Variants in POLD2 observed in about 807,000 individuals in gnomAD.
POLD2 encodes the protein DNA polymerase delta subunit 2.
POLD2 carries 31 observed loss-of-function variants against 48.8 expected under a neutral mutation model. The observed-to-expected ratio is 0.64, with a 90% CI of 0.48 to 0.86. The LOEUF is 0.86. Ranked by LOEUF, POLD2 falls within the 40% of genes least tolerant of loss-of-function variation. POLD2 has a pLI of 0.00. For missense variants in POLD2, 455 were observed against 610.1 expected (o/e 0.75, Z 2.68); for synonymous variants, 233 against 256.3 (o/e 0.91, Z 0.87).
Position 44,117,603 on chromosome 7 carries a change from T to C in POLD2, c.466+16A>G. On this transcript the variant is annotated intron_variant, in intron 4 of 10. Transcript: ENST00000610533. ...CTTCACCTGCATCACCCACATCCTC[T>C]CATTGGGCTCCCTACCCGTAACCAG... is the stretch of plus-strand genomic sequence containing the variant. The C allele has an allele frequency of 6.3e-7, 1 of 1,595,316 alleles. No homozygotes were observed. Among genetic ancestry groups the C allele is most frequent in the South Asian group, 1.1e-5 (1 of 87,896 alleles).
intron 9 of POLD2, 158 bp from the exon 10 acceptor site, chr7:44,115,554 T>G (rs1186786632): frequency 1.4e-6 from 1 of 718,506 alleles, no homozygotes; most frequent in Admixed American, 2.8e-5. Context: ...ACCTTGGCCC[T>G]GCTGTTGCTG....
At position 44,116,104 on chromosome 7, in the gene POLD2, G is replaced by T; in HGVS notation, c.1019+11C>A. The T allele has an allele frequency of 6.2e-7, 1 of 1,613,352 alleles. No homozygotes were observed. The highest frequency in any genetic ancestry group is 8.5e-7 in the Non-Finnish European group (1 of 1,179,976). ...GGCTGGGTCAGACTGAAGTGTGGCT[G>T]TGCCAGCTACCTGACTCCATCAATG... is the stretch of plus-strand genomic sequence containing the variant. On this transcript the variant is annotated intron_variant, in intron 8 of 10. Transcript: ENST00000610533. The surrounding 1 kb of genome is among the most constrained non-coding windows in gnomAD (Gnocchi z 6.1).
rs1261552224 is a variant in POLD2 at position 44,116,096 on chromosome 7, G to A, written c.1019+19C>T. On this transcript the variant is annotated intron_variant, in intron 8 of 10. Transcript: ENST00000610533. This position sits in a 1 kb window ranked among gnomAD's most constrained non-coding sequence, Gnocchi z 6.1. ...AGGCAAAAGGCTGGGTCAGACTGAA[G>A]TGTGGCTGTGCCAGCTACCTGACTC... 27 of 1,613,234 alleles carry A rather than the reference G, an allele frequency of 1.7e-5. No homozygotes were observed. Among genetic ancestry groups the A allele is most frequent in the East Asian group, 2.2e-5 (1 of 44,886 alleles).
rs1273753335 is a variant in POLD2 at position 44,122,144 on chromosome 7, T to C, written c.-56-35A>G. 3.3e-6 allele frequency: 5 copies of C among 1,519,216 alleles called. No homozygotes were observed. In the East Asian group the frequency reaches 1.2e-4, roughly 36 times the overall value. The allele number at this position is 1,519,216 out of a possible 1,614,324, so 94.1% of individuals were successfully genotyped here. On this transcript the variant is annotated intron_variant, in intron 1 of 10. Coordinates refer to ENST00000610533, the MANE Select transcript of POLD2 (RefSeq NM_006230.4). ...CACAAAGGCATTCCTGCTGCCCCTG[T>C]CCATCCCCCAAAGCAGCAGCTCTCC...
chr7:44,116,671 T>C lies in POLD2; in HGVS notation c.780+146A>G, dbSNP rs1441409926. ...GAGGGCCTGGGCATGAGGAGCCCCA[T>C]TGCAGGAGGCCCCAGAGTCACTGCA... On this transcript the variant is annotated intron_variant, in intron 6 of 10. Transcript: ENST00000610533. The surrounding 1 kb of genome is among the most constrained non-coding windows in gnomAD (Gnocchi z 6.1). The C allele has an allele frequency of 8.0e-6, 8 of 1,001,562 alleles. No homozygotes were observed. In the African/African-American group the frequency reaches 8.0e-5, roughly 10 times the overall value. The allele number at this position is 1,001,562 out of a possible 1,614,324, so 62.0% of individuals were successfully genotyped here.
At chr7:44,123,264 TAAC>T in intron 1 of POLD2, 1 of 1,357,378 alleles carries the variant, frequency 7.4e-7, no homozygotes, top group Non-Finnish European at 9.4e-7. Context: ...CACACGTGTC[TAAC>T]GAGTGACTCG....
Position 44,116,016 on chromosome 7 carries a change from T to C in POLD2, c.1019+99A>G, listed in dbSNP as rs1430419271. The C allele has an allele frequency of 1.9e-6, 3 of 1,596,150 alleles. No homozygotes were observed. The highest frequency in any genetic ancestry group is 1.7e-6 in the Non-Finnish European group (2 of 1,166,156). On this transcript the variant is annotated intron_variant, in intron 8 of 10. Transcript: ENST00000610533. The surrounding 1 kb of genome is among the most constrained non-coding windows in gnomAD (Gnocchi z 6.1). ...AAGGAACAGATGCTAGGTGGGCCTC[T>C]GCAGCCCTGCCACCTTCCTGGGCCC...
chr7:44,119,261 C>G (rs1224428674), intron 2 of POLD2, among the ~76,000 whole-genome samples: 1 of 152,122 alleles, frequency 6.6e-6, no homozygotes. Context: ...GGGAGGAATA[C>G]AGGTGCCCAC....
chr7:44,121,956 G>C lies in POLD2; in HGVS notation c.98C>G (p.Thr33Ser). Residue 33 changes from threonine (T) to serine (S), a missense_variant, in exon 2 of 11, where the codon ACC (threonine) becomes AGC (serine). Around this residue, in one of 3 missense-constraint regions of POLD2, gnomAD observed 349 missense variants for 437.4 expected, o/e 0.80. Coordinates refer to ENST00000610533, the MANE Select transcript of POLD2 (RefSeq NM_006230.4). This position sits in a 1 kb window ranked among gnomAD's most constrained non-coding sequence, Gnocchi z 4.5. Reference protein sequence around the residue: ...TFARVPVATYTNSSQPFRLGE... With the variant: ...TFARVPVATYSNSSQPFRLGE... Reference sequence around the variant, plus strand: ...TAGCCGGAAGGGTTGTGAGGAGTTGGTGTAGGTTGCCACTGGCACCCGGGC... The same window carrying C: ...TAGCCGGAAGGGTTGTGAGGAGTTGCTGTAGGTTGCCACTGGCACCCGGGC... The C allele has an allele frequency of 6.2e-7, 1 of 1,613,928 alleles. No homozygotes were observed. The highest frequency in any genetic ancestry group is 8.5e-7 in the Non-Finnish European group (1 of 1,180,050).
chr7:44,115,424 G>A (rs1487693949), intron 9 of POLD2, 28 bp from the exon 10 acceptor site: 1 of 1,409,206 alleles, frequency 7.1e-7, no homozygotes, highest in African/African-American at 1.4e-5. Context: ...GCTCTGAGGA[G>A]GGTTCCGCCT....
chr7:44,123,258 C>T (rs986010939), intron 1 of POLD2: 23 of 1,353,332 alleles, frequency 1.7e-5, no homozygotes, highest in Non-Finnish European at 2.2e-5. Context: ...GCTCCGCACA[C>T]GTGTCTAACG....
rs775274294 is a variant in POLD2 at position 44,121,156 on chromosome 7, C to T, written c.220+678G>A. 7.9e-5 allele frequency among the ~76,000 whole-genome samples: 12 copies of T among 152,090 alleles called. No homozygotes were observed. The highest frequency in any genetic ancestry group is 1.3e-4 in the Non-Finnish European group (9 of 68,022). On this transcript the variant is annotated intron_variant, in intron 2 of 10. Coordinates refer to ENST00000610533, the MANE Select transcript of POLD2 (RefSeq NM_006230.4). The surrounding 1 kb of genome is among the most constrained non-coding windows in gnomAD (Gnocchi z 4.5). Reference sequence around the variant, plus strand: ...ATGGATTTGAAAATTACCTGGAAAGCCACTCTTATGTAAGTGGTAGGAATG... The same window carrying T: ...ATGGATTTGAAAATTACCTGGAAAGTCACTCTTATGTAAGTGGTAGGAATG...
In POLD2 at chr7:44,116,888, G is replaced by C; in HGVS notation, c.709C>G (p.His237Asp). 1 of 1,613,980 alleles carries C rather than the reference G, an allele frequency of 6.2e-7. No individual in the cohort carries two copies. The highest frequency in any genetic ancestry group is 8.5e-7 in the Non-Finnish European group (1 of 1,180,002). The change falls in exon 6 of 11, where the codon CAC (histidine) becomes GAC (aspartate). Residue 237 changes from histidine to aspartate, a missense_variant. By Grantham distance (81) the His-to-Asp change is moderately conservative (BLOSUM62 -1). Coordinates refer to ENST00000610533, the MANE Select transcript of POLD2 (RefSeq NM_006230.4). This position sits in a 1 kb window ranked among gnomAD's most constrained non-coding sequence, Gnocchi z 6.1. The part of the protein sequence containing the change: ...GDEGEQCSAA[H>D]VSRVILAGNL... ...CCAGCGAGGATAACCCGGGAGACGT[G>C]GGCGGCGCTGCACTGCTCCCCTTCG...
chr7:44,117,707 G>C lies in POLD2; in HGVS notation c.378C>G (p.Tyr126Ter). The C allele has an allele frequency of 6.2e-7, 1 of 1,613,594 alleles. No homozygotes were observed. Among genetic ancestry groups the C allele is most frequent in the Non-Finnish European group, 8.5e-7 (1 of 1,179,810 alleles). Residue 126 changes from tyrosine to a stop codon, truncating the protein, a stop_gained, in exon 4 of 11, where the codon TAC becomes TAG. Coordinates refer to ENST00000610533, the MANE Select transcript of POLD2 (RefSeq NM_006230.4). LOFTEE classifies it high-confidence loss of function. ...NLLPQPPRSKYIHPDDELVLE... is the reference protein window; with the variant it reads ...NLLPQPPRSK The stretch of plus-strand genomic sequence containing the variant: ...AGACCAGCTCGTCATCTGGGTGTAT[G>C]TATTTACTCCGAGGAGGCTGGGGGA...
At chr7:44,123,328 G>A in intron 1 of POLD2, 183 bp downstream of exon 1, 1 of 1,365,722 alleles carries the variant, frequency 7.3e-7, no homozygotes, top group Non-Finnish European at 9.4e-7. Context: ...GCCAGGCCGC[G>A]CTACTCGGGA....
At chr7:44,119,112 T>C (rs1015036700) in intron 2 of POLD2, among the ~76,000 whole-genome samples, 2 of 144,452 alleles carry the variant, frequency 1.4e-5, no homozygotes, top group African/African-American at 5.2e-5. Context: ...TCCCGTGGAG[T>C]CAGGTGGCTT....
chr7:44,116,018 C>T lies in POLD2; in HGVS notation c.1019+97G>A. On this transcript the variant is annotated intron_variant, in intron 8 of 10. Transcript: ENST00000610533. This position sits in a 1 kb window ranked among gnomAD's most constrained non-coding sequence, Gnocchi z 6.1. ...GGAACAGATGCTAGGTGGGCCTCTGCAGCCCTGCCACCTTCCTGGGCCCTC... is the reference window on the plus strand; with the variant it reads ...GGAACAGATGCTAGGTGGGCCTCTGTAGCCCTGCCACCTTCCTGGGCCCTC... 1.9e-6 allele frequency: 3 copies of T among 1,593,356 alleles called. No individual in the cohort carries two copies. Among genetic ancestry groups the T allele is most frequent in the South Asian group, 1.1e-5 (1 of 89,480 alleles).
chr7:44,121,805 G>C lies in POLD2; in HGVS notation c.220+29C>G, dbSNP rs1269567336. The C allele has an allele frequency of 1.9e-6, 3 of 1,598,584 alleles. No individual in the cohort carries two copies. The highest frequency in any genetic ancestry group is 2.7e-5 in the African/African-American group (2 of 74,628). ...ACTTCTAAGTTCAGGGATGCTGTGG[G>C]GGAAGCACCTTCCCAAACTCTCACT... On this transcript the variant is annotated intron_variant, in intron 2 of 10. Coordinates refer to ENST00000610533, the MANE Select transcript of POLD2 (RefSeq NM_006230.4). This position sits in a 1 kb window ranked among gnomAD's most constrained non-coding sequence, Gnocchi z 4.5.
upstream of POLD2, chr7:44,123,753 G>C: frequency 7.6e-7 from 1 of 1,311,664 alleles, no homozygotes; most frequent in Non-Finnish European, 9.8e-7. Flanking sequence ...CTCGCAGGCC[G>C]GCGCCGCGGG....
Sources: gnomAD v4.1 joint callset for allele counts (sites outside exome capture counted in the v4.1 genomes callset) on GRCh38, gnomAD v4.1.1 for gene constraint, gnomAD v4.1.1 regional missense constraint, Gnocchi (gnomAD v3.1) non-coding constraint, MANE v1.5 for transcripts, NCBI Gene and HGNC (gene_info 2026-07-23, HGNC 2026-07-21) for gene names.